PRIM2: variants seen among roughly 807,000 people sequenced by gnomAD.
PRIM2 encodes DNA primase subunit 2.
PRIM2 carries 39 observed loss-of-function variants against 67.3 expected under a neutral mutation model. That is an observed-to-expected ratio of 0.58 (90% CI 0.45 to 0.76). The LOEUF (loss-of-function observed/expected upper bound fraction) is 0.76. Among genes scored for constraint, PRIM2 ranks in the 30% least tolerant of loss-of-function variants. The probability of loss-of-function intolerance (pLI) is 0.00; values close to 1 mark genes in which losing one functional copy is unlikely to be tolerated. For missense variants in PRIM2, 398 were observed against 598.7 expected (o/e 0.66, Z 3.50); for synonymous variants, 143 against 198.7 (o/e 0.72, Z 2.36).
At chr6:57,297,420 C>T in the PRIM2 span, among the ~76,000 whole-genome samples, 8 of 152,048 alleles carry the variant, frequency 5.3e-5, no homozygotes, top group African/African-American at 1.7e-4. Context: ...TGCACTTCAG[C>T]CTGGGTGACA....
chr6:57,452,883 T>A (rs1772606417), intron 7 of PRIM2, among the ~76,000 whole-genome samples: 1 of 152,242 alleles, frequency 6.6e-6, no homozygotes, highest in Non-Finnish European at 1.5e-5. Context: ...TGAATGGTAT[T>A]GCCTAGGTTT....
At chr6:57,354,307 G>A (rs1213063609) in intron 5 of PRIM2, among the ~76,000 whole-genome samples, 1 of 152,160 alleles carries the variant, frequency 6.6e-6, no homozygotes, top group Non-Finnish European at 1.5e-5. Flanking sequence ...GTGGGGAGTT[G>A]AATGAGAAAA....
chr6:57,256,093 T>C, the PRIM2 span, among the ~76,000 whole-genome samples: 1 of 152,128 alleles, frequency 6.6e-6, no homozygotes, highest in Non-Finnish European at 1.5e-5. Context: ...ATAAATACTG[T>C]CTTGCTTTAT....
At chr6:57,359,229 A>G (rs1769122195) in intron 5 of PRIM2, among the ~76,000 whole-genome samples, 1 of 152,240 alleles carries the variant, frequency 6.6e-6, no homozygotes, top group East Asian at 1.9e-4. Context: ...TGTCTCTGGT[A>G]CACAGTCTTC....
chr6:57,423,365 A>G (rs1771523057), intron 7 of PRIM2, among the ~76,000 whole-genome samples: 2 of 152,172 alleles, frequency 1.3e-5, no homozygotes, highest in South Asian at 2.1e-4. Context: ...GACAACATAT[A>G]AAATTAATCA....
At chr6:57,602,210 C>G (rs1272671493) in intron 11 of PRIM2, among the ~76,000 whole-genome samples, 1 of 152,102 alleles carries the variant, frequency 6.6e-6, no homozygotes, top group Non-Finnish European at 1.5e-5. Flanking sequence ...CAGGCACCTG[C>G]CACCCTGCCC....
At chr6:57,361,808 A>G (rs1769209917) in intron 5 of PRIM2, among the ~76,000 whole-genome samples, 1 of 152,176 alleles carries the variant, frequency 6.6e-6, no homozygotes, top group Non-Finnish European at 1.5e-5. Flanking sequence ...TTTATAGTTG[A>G]AGAGAGCAGG....
At chr6:57,564,766 C>T (rs1489548441) in intron 10 of PRIM2, among the ~76,000 whole-genome samples, 57 of 152,138 alleles carry the variant, frequency 3.7e-4, no homozygotes, top group South Asian at 2.7e-3. Flanking sequence ...TAAATTTTCT[C>T]TTAAATAATA....
chr6:57,439,404 GTTTTTTT>G (rs149436085), intron 7 of PRIM2, among the ~76,000 whole-genome samples: 190 of 57,018 alleles, frequency 3.3e-3, no homozygotes, highest in African/African-American at 0.01. Context: ...GAGGTACTCT[GTTTTTTT>G]TTTTTTTTTT....
chr6:57,626,234 G>A (rs1776947650), intron 12 of PRIM2, among the ~76,000 whole-genome samples: 1 of 152,256 alleles, frequency 6.6e-6, no homozygotes, highest in Admixed American at 6.5e-5. Flanking sequence ...AAGCAAAAGA[G>A]AGAGAGGAAT....
intron 12 of PRIM2, among the ~76,000 whole-genome samples, chr6:57,610,474 C>T (rs1489816750): frequency 2.5e-3 from 380 of 152,208 alleles, no homozygotes; most frequent in Non-Finnish European, 4.4e-3. Context: ...TACAGGATCA[C>T]ATTTCATTTT....
upstream of PRIM2, among the ~76,000 whole-genome samples, chr6:57,311,895 C>T (rs971917573): frequency 1.3e-5 from 2 of 151,716 alleles, no homozygotes; most frequent in African/African-American, 2.4e-5. Flanking sequence ...GGAGTGGCGG[C>T]GCGTGCCTGG....
At chr6:57,606,293 T>C in intron 11 of PRIM2, 82 bp from the exon 12 acceptor site, 1 of 1,081,556 alleles carries the variant, frequency 9.2e-7, no homozygotes, top group Middle Eastern at 2.0e-4. Context: ...AAGGGGAGCT[T>C]AGATGGTCTC....
At position 57,601,152 on chromosome 6, in the gene PRIM2, A is replaced by G. The variant is rs1213217476; in HGVS notation, c.1080A>G (p.Thr360=). 1.5e-5 allele frequency: 24 copies of G among 1,612,874 alleles called. No homozygotes were observed. The highest frequency in any genetic ancestry group is 2.0e-5 in the Non-Finnish European group (24 of 1,179,162). The change falls in exon 11 of 14, where the codon ACA becomes ACG. Residue 360 remains threonine, a synonymous_variant. Transcript: ENST00000615550. ...GCTTTGGAAAGGAAGGCAAGAGGAC[A>G]GACTATACACCTTTCAGTTGCCTGA... ...RHSFGKEGKR[T]DYTPFSCLKI... is the part of the protein sequence containing the mutation.
intron 10 of PRIM2, among the ~76,000 whole-genome samples, chr6:57,551,778 T>C (rs1775408732): frequency 6.6e-6 from 1 of 152,170 alleles, no homozygotes; most frequent in African/African-American, 2.4e-5. Flanking sequence ...TATGAAGAAA[T>C]TTTTTCATGA....
intron 10 of PRIM2, among the ~76,000 whole-genome samples, chr6:57,588,026 T>C (rs1262792999): frequency 6.6e-6 from 1 of 152,116 alleles, no homozygotes; most frequent in Non-Finnish European, 1.5e-5. Flanking sequence ...GCATATACCT[T>C]AGATAATTTT....
At chr6:57,610,299 C>T (rs1776644521) in intron 12 of PRIM2, among the ~76,000 whole-genome samples, 1 of 152,154 alleles carries the variant, frequency 6.6e-6, no homozygotes, top group Admixed American at 6.5e-5. Flanking sequence ...AACTCCTGAC[C>T]TTGGGTGGGA....
chr6:57,348,140 A>G (rs1231625093), intron 5 of PRIM2, among the ~76,000 whole-genome samples: 1 of 152,010 alleles, frequency 6.6e-6, no homozygotes, highest in East Asian at 1.9e-4. Flanking sequence ...TAGGGAAAAC[A>G]TTATATTCAT....
intron 2 of PRIM2, among the ~76,000 whole-genome samples, chr6:57,320,153 T>C (rs1375958631): frequency 6.6e-6 from 1 of 152,182 alleles, no homozygotes; most frequent in Non-Finnish European, 1.5e-5. Context: ...GTGCCTAGTT[T>C]TTTTTTCCAT....
Sources: gnomAD v4.1 joint callset for allele counts (sites outside exome capture counted in the v4.1 genomes callset) on GRCh38, gnomAD v4.1.1 for gene constraint, MANE v1.5 for transcripts, NCBI Gene and HGNC (gene_info 2026-07-23, HGNC 2026-07-21) for gene names.